Variants in ZBTB38 observed in about 807,000 individuals in gnomAD.
ZBTB38 encodes zinc finger and BTB domain containing 38.
ZBTB38 carries 20 observed loss-of-function variants against 76.8 expected under a neutral mutation model. That is an observed-to-expected ratio of 0.26 (90% CI 0.18 to 0.38). The LOEUF (loss-of-function observed/expected upper bound fraction) is 0.38. ZBTB38 is among the 10% of genes least tolerant of loss of function. The probability of loss-of-function intolerance (pLI) is 1.00; values close to 1 mark genes in which losing one functional copy is unlikely to be tolerated. For synonymous variants in ZBTB38, 504 were observed against 544.2 expected (o/e 0.93, Z 1.03); for missense variants, 1,082 against 1,482.3 (o/e 0.73, Z 4.43).
intron 5 of ZBTB38, among the ~76,000 whole-genome samples, chr3:141,440,529 A>G (rs140110547): frequency 6.8e-4 from 104 of 152,326 alleles, no homozygotes; most frequent in African/African-American, 2.4e-3. Context: ...TGCCACTGAG[A>G]GTTAAAGAAG....
chr3:141,418,413 G>GC (rs919841989), intron 5 of ZBTB38, among the ~76,000 whole-genome samples: 10 of 152,122 alleles, frequency 6.6e-5, no homozygotes, highest in Admixed American at 3.3e-4. Flanking sequence ...TCAAGAGCGA[G>GC]CCCCCCCTCC....
In ZBTB38 at chr3:141,444,047, T is replaced by C; in HGVS notation, c.1659T>C (p.Asn553=). ...TTTCCATCAGTAAAAAAACAGCAAATGGAGGCTTGAAGCCTAGTGTCTATC... is the reference window on the plus strand; with the variant it reads ...TTTCCATCAGTAAAAAAACAGCAAACGGAGGCTTGAAGCCTAGTGTCTATC... ...HRLSISKKTA[N]GGLKPSVYPY... The change falls in exon 6 of 6, where the codon AAT becomes AAC. Residue 553 remains asparagine, a synonymous_variant. Transcript: ENST00000321464. This position sits in a 1 kb window ranked among gnomAD's most constrained non-coding sequence, Gnocchi z 5.1. 3 of 1,614,072 alleles carry C rather than the reference T, an allele frequency of 1.9e-6. No individual in the cohort carries two copies. Among genetic ancestry groups the C allele is most frequent in the Non-Finnish European group, 2.5e-6 (3 of 1,180,016 alleles).
At chr3:141,407,199 A>G (rs1559940996) in intron 5 of ZBTB38, among the ~76,000 whole-genome samples, 1 of 152,224 alleles carries the variant, frequency 6.6e-6, no homozygotes, top group Non-Finnish European at 1.5e-5. Flanking sequence ...CTTTTACCAT[A>G]TGGCTATTGT....
intron 4 of ZBTB38, chr3:141,389,169 C>T (rs553495663): frequency 6.6e-6 from 1 of 152,112 alleles, no homozygotes; most frequent in Non-Finnish European, 1.5e-5. Flanking sequence ...GAAACCTCCC[C>T]GAGGTTTGCT....
At chr3:141,425,976 A>G in intron 5 of ZBTB38, 1 of 373,000 alleles carries the variant, frequency 2.7e-6, no homozygotes, top group Non-Finnish European at 5.3e-6. Flanking sequence ...AGAACGGTGC[A>G]GAGCACACAG....
chr3:141,326,556 A>G (rs1398338941), intron 1 of ZBTB38, among the ~76,000 whole-genome samples: 2 of 152,222 alleles, frequency 1.3e-5, no homozygotes, highest in Non-Finnish European at 2.9e-5. Context: ...TTCCTAACTC[A>G]CATGACAGTT....
chr3:141,424,233 T>C (rs2075970536), intron 5 of ZBTB38, among the ~76,000 whole-genome samples: 1 of 152,234 alleles, frequency 6.6e-6, no homozygotes, highest in Non-Finnish European at 1.5e-5. Context: ...AAATAGTTAC[T>C]GCCAGCTTGG....
At position 141,339,676 on chromosome 3, in the gene ZBTB38, G is replaced by A. The variant is rs57879533; in HGVS notation, c.-739+15220G>A. Among the ~76,000 whole-genome samples, 883 of 152,340 alleles carry A rather than the reference G, an allele frequency of 5.8e-3. 31 individuals are homozygous for A. In the East Asian group the frequency reaches 0.084, roughly 14 times the overall value. On this transcript the variant is annotated intron_variant, in intron 1 of 7. Transcript: ENST00000509842. ...ACCTGGGCGTCTCACTGGAGGTGGT[G>A]CCATTTACTGAAATTAGAAAGCCTG...
intron 5 of ZBTB38, among the ~76,000 whole-genome samples, chr3:141,418,486 A>C (rs1012945931): frequency 1.3e-5 from 2 of 152,180 alleles, no homozygotes; most frequent in Non-Finnish European, 2.9e-5. Flanking sequence ...ATGCCCCATC[A>C]GTGAAGCACT....
In ZBTB38 at chr3:141,334,452, TCTTCCTTCCTTCCTTC is replaced by T. The variant is rs57217285; in HGVS notation, c.-739+10005_-739+10020del. On this transcript the variant is annotated intron_variant, in intron 1 of 7. Transcript: ENST00000509842. Reference sequence around the variant, plus strand: ...TCCTTCCTTCCTTCCTTCTTTCCTTTCTTCCTTCCTTCCTTCCTTCCTTCTTTCCTTTCTTCCTTCC... The same window carrying T: ...TCCTTCCTTCCTTCCTTCTTTCCTTTCTTCCTTCTTTCCTTTCTTCCTTCC... Among the ~76,000 whole-genome samples, 806 of 129,132 alleles carry T rather than the reference TCTTCCTTCCTTCCTTC, an allele frequency of 6.2e-3. 10 individuals carry two copies. The highest frequency in any genetic ancestry group is 0.023 in the African/African-American group (742 of 32,560). The allele number at this position is 129,132 out of a possible 152,430, so 84.7% of individuals were successfully genotyped here.
At chr3:141,416,129 ATAAT>A (rs2073993402) in intron 5 of ZBTB38, among the ~76,000 whole-genome samples, 1 of 152,172 alleles carries the variant, frequency 6.6e-6, no homozygotes, top group African/African-American at 2.4e-5. Flanking sequence ...AAAGACAGAA[ATAAT>A]TAATCCCATG....
intron 2 of ZBTB38, among the ~76,000 whole-genome samples, chr3:141,376,049 T>C (rs1945316613): frequency 1.3e-5 from 2 of 152,302 alleles, no homozygotes; most frequent in African/African-American, 2.4e-5. Flanking sequence ...AGTCTGACTA[T>C]TCATCCTGCC....
Position 141,444,594 on chromosome 3 carries a change from A to G in ZBTB38, c.2206A>G (p.Met736Val), listed in dbSNP as rs200730943. 3.1e-4 allele frequency: 506 copies of G among 1,614,206 alleles called. 1 individual carries two copies. The Middle Eastern group carries it at 7.4e-3, about 24-fold the overall frequency. The change falls in exon 6 of 6, where the codon ATG becomes GTG. Residue 736 changes from methionine to valine, a missense_variant. Around this residue, in one of 8 missense-constraint regions of ZBTB38, gnomAD observed 471 missense variants for 581.0 expected, o/e 0.81. Transcript: ENST00000321464. The surrounding 1 kb of genome is among the most constrained non-coding windows in gnomAD (Gnocchi z 5.1). ...CATGCACAGCAATGCCATTGCTGCCATGACCAGCAGCAACCACAGAGCCTT... is the reference window on the plus strand; with the variant it reads ...CATGCACAGCAATGCCATTGCTGCCGTGACCAGCAGCAACCACAGAGCCTT... ...VIMHSNAIAA[M>V]TSSNHRAFSD...
At chr3:141,409,543 C>T (rs976096428) in intron 5 of ZBTB38, among the ~76,000 whole-genome samples, 4 of 152,190 alleles carry the variant, frequency 2.6e-5, no homozygotes, top group African/African-American at 9.7e-5. Context: ...GCAAATGGAG[C>T]AGAGATAATG....
At chr3:141,339,985 G>C (rs1021275048) in intron 1 of ZBTB38, among the ~76,000 whole-genome samples, 27 of 152,206 alleles carry the variant, frequency 1.8e-4, no homozygotes, top group African/African-American at 6.5e-4. Flanking sequence ...TGTGCTTGGA[G>C]TATACCAGCA....
intron 2 of ZBTB38, among the ~76,000 whole-genome samples, chr3:141,372,883 A>G (rs896270420): frequency 2.6e-5 from 4 of 152,202 alleles, no homozygotes; most frequent in African/African-American, 9.7e-5. Context: ...ACAGCTTGCT[A>G]ATTTCAACTA....
rs553461597 is a variant in ZBTB38, at chr3:141,379,117, T to C, written c.-234-2308T>C. 7.0e-4 allele frequency among the ~76,000 whole-genome samples: 106 copies of C among 152,316 alleles called. 1 individual carries two copies. Among genetic ancestry groups the C allele is most frequent in the Non-Finnish European group, 1.9e-4 (13 of 68,022 alleles). On this transcript the variant is annotated intron_variant, in intron 2 of 5. Transcript: ENST00000321464. The stretch of plus-strand genomic sequence containing the variant: ...CACAGCTGAATGCTACAGAGTGAGA[T>C]GGCTGCCTTCTCTTTGAAGCATTTA...
intron 1 of ZBTB38, among the ~76,000 whole-genome samples, chr3:141,329,711 C>T (rs760283491): frequency 6.6e-6 from 1 of 152,116 alleles, no homozygotes; most frequent in Non-Finnish European, 1.5e-5. Flanking sequence ...TACTGCATTA[C>T]ATTTATGTGT....
chr3:141,329,980 A>G (rs1942795636), intron 1 of ZBTB38, among the ~76,000 whole-genome samples: 1 of 151,670 alleles, frequency 6.6e-6, no homozygotes, highest in African/African-American at 2.4e-5. Flanking sequence ...AAATTTATAT[A>G]TCTACATATA....
Sources: gnomAD v4.1 joint callset for allele counts (sites outside exome capture counted in the v4.1 genomes callset) on GRCh38, gnomAD v4.1.1 for gene constraint, gnomAD v4.1.1 regional missense constraint, Gnocchi (gnomAD v3.1) non-coding constraint, MANE v1.5 for transcripts, NCBI Gene and HGNC (gene_info 2026-07-23, HGNC 2026-07-21) for gene names.